The following SHISA6 variants were observed in gnomAD, a reference collection of about 807,000 sequenced individuals.
SHISA6 encodes protein shisa-6.
SHISA6 carries 22 observed loss-of-function variants against 47.9 expected under a neutral mutation model. The observed-to-expected ratio is 0.46, with a 90% CI of 0.33 to 0.66. The LOEUF (loss-of-function observed/expected upper bound fraction) is 0.66, where lower values mean the gene tolerates loss of function less well. SHISA6 is among the 30% of genes least tolerant of loss of function. The pLI is 0.02. For synonymous variants in SHISA6, 388 were observed against 337.8 expected, an observed-to-expected ratio of 1.15 and a Z score of -1.63; for missense variants, 680 against 764.6, an observed-to-expected ratio of 0.89 and a Z score of 1.30.
At chr17:11,495,993 T>TCCATC (rs2071404504) in intron 3 of SHISA6, among the ~76,000 whole-genome samples, 4 of 148,736 alleles carry the variant, frequency 2.7e-5, no homozygotes, top group Non-Finnish European at 4.5e-5. Context: ...ATTTATCCAT[T>TCCATC]CATCCATCCA....
intron 3 of SHISA6, among the ~76,000 whole-genome samples, chr17:11,482,218 G>T (rs1173363879): frequency 2.6e-5 from 4 of 152,134 alleles, no homozygotes; most frequent in Non-Finnish European, 5.9e-5. Flanking sequence ...CCAACACAAA[G>T]AAATATATTG....
In SHISA6 at chr17:11,490,602, C is replaced by T. The variant is rs569454285; in HGVS notation, c.896-61294C>T. Among the ~76,000 whole-genome samples, 6 of 152,266 alleles carry T rather than the reference C, an allele frequency of 3.9e-5. 1 individual carries two copies. In the East Asian group the frequency reaches 1.2e-3, roughly 30 times the overall value. ...GTCTCTGAGCCCACATGCGCTACTA[C>T]GTTCTGGAGAAGTGCAGCCGGTGGT... is the stretch of plus-strand genomic sequence containing the variant. On this transcript the variant is annotated intron_variant, in intron 3 of 5. Coordinates refer to ENST00000441885, the MANE Select transcript of SHISA6 (RefSeq NM_207386.4).
chr17:11,290,362 T>TTA (rs1436173642), intron 2 of SHISA6: 1 of 150,450 alleles, frequency 6.6e-6, no homozygotes, highest in African/African-American at 2.4e-5. Context: ...TCTTTTTTTT[T>TTA]TTTTTTGAGA....
chr17:11,460,545 C>T (rs1877721246), intron 3 of SHISA6, among the ~76,000 whole-genome samples: 1 of 152,282 alleles, frequency 6.6e-6, no homozygotes, highest in South Asian at 2.1e-4. Flanking sequence ...GCACCCACCA[C>T]CATGCCTGGC....
At chr17:11,447,370 G>T (rs1567608244) in intron 3 of SHISA6, among the ~76,000 whole-genome samples, 1 of 152,202 alleles carries the variant, frequency 6.6e-6, no homozygotes, top group Non-Finnish European at 1.5e-5. Flanking sequence ...TGGGGAACAT[G>T]GTGTAATCTA....
At chr17:11,334,961 A>C (rs543159935) in intron 2 of SHISA6, among the ~76,000 whole-genome samples, 66 of 152,320 alleles carry the variant, frequency 4.3e-4, no homozygotes, top group African/African-American at 1.5e-3. Context: ...GGCTGGGCAA[A>C]ACCCAGAGAC....
chr17:11,400,837 C>T (rs148585785), intron 3 of SHISA6, among the ~76,000 whole-genome samples: 17 of 152,202 alleles, frequency 1.1e-4, no homozygotes, highest in Non-Finnish European at 2.2e-4. Flanking sequence ...TGTTTTTCAC[C>T]GACTTGACTT....
intron 2 of SHISA6, among the ~76,000 whole-genome samples, chr17:11,352,188 T>C (rs577669938): frequency 6.6e-6 from 1 of 151,920 alleles, no homozygotes; most frequent in African/African-American, 2.4e-5. Flanking sequence ...AGAGCCTTTA[T>C]GGAATATGTA....
chr17:11,558,637 A>G lies in SHISA6; in HGVS notation c.*333A>G. The G allele has an allele frequency of 2.8e-6, 1 of 359,242 alleles. No individual in the cohort carries two copies. Among genetic ancestry groups the G allele is most frequent in the Non-Finnish European group, 5.2e-6 (1 of 193,214 alleles). The allele number at this position is 359,242 out of a possible 1,614,324, so 22.3% of individuals were successfully genotyped here. A position where few individuals can be genotyped will look rare whatever the true frequency, so the allele number is the denominator to read the frequency against. On this transcript the variant is annotated 3_prime_UTR_variant, in exon 6 of 6. Coordinates refer to ENST00000441885, the MANE Select transcript of SHISA6 (RefSeq NM_207386.4). ...GCGCCTCCTTCTCCCCATCCGGGGG[A>G]CTCAGCTGCAGGTTCTGTCAGCAGA...
intron 3 of SHISA6, among the ~76,000 whole-genome samples, chr17:11,473,044 T>C (rs1446170710): frequency 6.6e-6 from 1 of 152,244 alleles, no homozygotes; most frequent in Non-Finnish European, 1.5e-5. Context: ...CTTTGTATAC[T>C]TTAGTTAATA....
At chr17:11,551,165 T>C (rs1477239301) in intron 3 of SHISA6, among the ~76,000 whole-genome samples, 1 of 152,234 alleles carries the variant, frequency 6.6e-6, no homozygotes, top group African/African-American at 2.4e-5. Context: ...GAGTGCACTG[T>C]AGTGGTCAGC....
intron 2 of SHISA6, among the ~76,000 whole-genome samples, chr17:11,278,292 A>G (rs1453085689): frequency 6.6e-6 from 1 of 152,094 alleles, no homozygotes; most frequent in African/African-American, 2.4e-5. Context: ...TTACCCCACA[A>G]CAAAGCCAAG....
intron 2 of SHISA6, among the ~76,000 whole-genome samples, chr17:11,304,617 G>A (rs986160572): frequency 6.6e-6 from 1 of 152,152 alleles, no homozygotes; most frequent in African/African-American, 2.4e-5. Flanking sequence ...ATCAGAAGAC[G>A]AGATGAGTGG....
chr17:11,346,668 C>A (rs1016993830), intron 2 of SHISA6, among the ~76,000 whole-genome samples: 1 of 152,132 alleles, frequency 6.6e-6, no homozygotes, highest in Non-Finnish European at 1.5e-5. Flanking sequence ...AATAATATAT[C>A]ATTCTATGTT....
At chr17:11,493,443 T>C (rs962457358) in intron 3 of SHISA6, among the ~76,000 whole-genome samples, 16 of 152,164 alleles carry the variant, frequency 1.1e-4, no homozygotes, top group Admixed American at 1.0e-3. Context: ...GTCAGGCTGG[T>C]CTCGAACTCC....
chr17:11,342,965 C>T (rs531115177), intron 2 of SHISA6, among the ~76,000 whole-genome samples: 6 of 152,262 alleles, frequency 3.9e-5, no homozygotes, highest in African/African-American at 1.4e-4. Flanking sequence ...TCTCATTTCA[C>T]AGATGAGGAG....
chr17:11,462,535 T>C (rs1022736447), intron 3 of SHISA6, among the ~76,000 whole-genome samples: 2 of 152,210 alleles, frequency 1.3e-5, no homozygotes, highest in African/African-American at 2.4e-5. Flanking sequence ...ATATGGAGTG[T>C]TGGGCAACCC....
intron 2 of SHISA6, among the ~76,000 whole-genome samples, chr17:11,355,806 A>G (rs1004782653): frequency 2.6e-5 from 4 of 152,200 alleles, no homozygotes; most frequent in African/African-American, 4.8e-5. Flanking sequence ...AGTTAGACAG[A>G]AGGGGGAATG....
intron 3 of SHISA6, among the ~76,000 whole-genome samples, chr17:11,381,972 T>G (rs1313993754): frequency 6.6e-6 from 1 of 152,178 alleles, no homozygotes; most frequent in African/African-American, 2.4e-5. Flanking sequence ...TTTCCCTATT[T>G]AGAGAACAGC....
Sources: allele counts gnomAD v4.1 joint callset (sites outside exome capture counted in the v4.1 genomes callset), GRCh38; gene constraint gnomAD v4.1.1; transcripts MANE v1.5; gene names NCBI Gene and HGNC (gene_info 2026-07-23, HGNC 2026-07-21).